RALGAPA2: variants seen among roughly 807,000 people sequenced by gnomAD.
The protein encoded by RALGAPA2 is Ral GTPase activating protein catalytic subunit alpha 2.
A neutral mutation model predicts 230.4 loss-of-function variants in RALGAPA2; 139 were observed. That is an observed-to-expected ratio of 0.60 (90% CI 0.53 to 0.69). The LOEUF (loss-of-function observed/expected upper bound fraction) is 0.69. Among genes scored for constraint, RALGAPA2 ranks in the 30% least tolerant of loss-of-function variants. The probability of loss-of-function intolerance (pLI) is 0.00; values close to 1 mark genes in which losing one functional copy is unlikely to be tolerated. For synonymous variants in RALGAPA2, 847 were observed against 837.8 expected (o/e 1.01, Z -0.19); for missense variants, 2,163 against 2,276.0 (o/e 0.95, Z 1.01).
At chr20:20,521,366 T>G (rs1406625692) in intron 30 of RALGAPA2, among the ~76,000 whole-genome samples, 1 of 151,840 alleles carries the variant, frequency 6.6e-6, no homozygotes, top group Admixed American at 6.6e-5. Context: ...CATACCTAAG[T>G]CCCCCTCCTG....
chr20:20,478,471 G>A (rs528024433), intron 36 of RALGAPA2, among the ~76,000 whole-genome samples: 45 of 151,318 alleles, frequency 3.0e-4, no homozygotes, highest in Non-Finnish European at 4.4e-5. Flanking sequence ...AACCAAGATC[G>A]ACAGTTAGTT....
At chr20:20,647,558 CAT>C (rs968013359) in intron 4 of RALGAPA2, among the ~76,000 whole-genome samples, 7 of 152,310 alleles carry the variant, frequency 4.6e-5, no homozygotes, top group Admixed American at 6.5e-5. Flanking sequence ...GTTAGGCAAA[CAT>C]GTGTTACACA....
intron 1 of RALGAPA2, among the ~76,000 whole-genome samples, chr20:20,707,730 T>G (rs2147034708): frequency 6.6e-6 from 1 of 152,232 alleles, no homozygotes; most frequent in Middle Eastern, 3.4e-3. Flanking sequence ...GAGTCTGGCT[T>G]CTGATCCCCC....
intron 25 of RALGAPA2, 63 bp from the exon 26 acceptor site, chr20:20,535,866 G>T: frequency 1.3e-6 from 2 of 1,506,950 alleles, no homozygotes; most frequent in South Asian, 2.6e-5. Context: ...CACATGTTCT[G>T]ACCATGTTCC....
At position 20,513,028 on chromosome 20, in the gene RALGAPA2, C is replaced by T. The variant is rs764118084; in HGVS notation, c.4341G>A (p.Pro1447=). The change falls in exon 32 of 40, where the codon CCG becomes CCA. Residue 1447 remains proline, a synonymous_variant. Coordinates refer to ENST00000202677, the MANE Select transcript of RALGAPA2 (RefSeq NM_020343.4). ...ISYLQTPTEG[P]VGGSPVGSLS... is the part of the protein sequence containing the mutation. ...GAGAGCCCACTGGTGATCCCCCTAC[C>T]GGTCCTTCTGTGGGTGTCTGAAGGT... The T allele has an allele frequency of 4.8e-5, 77 of 1,613,296 alleles. No homozygotes were observed. Among genetic ancestry groups the T allele is most frequent in the Middle Eastern group, 1.6e-4 (1 of 6,082 alleles).
chr20:20,493,939 C>T lies in RALGAPA2; in HGVS notation c.5367+1178G>A, dbSNP rs560557121. Among the ~76,000 whole-genome samples, 4 of 152,248 alleles carry T rather than the reference C, an allele frequency of 2.6e-5. No individual in the cohort carries two copies. In the South Asian group the frequency reaches 8.3e-4, roughly 32 times the overall value. ...CCTTTATGTCAGGCTTTGCAACAGCCAGAATGGGACTTTTATGAATTCAGG... is the reference window on the plus strand; with the variant it reads ...CCTTTATGTCAGGCTTTGCAACAGCTAGAATGGGACTTTTATGAATTCAGG... On this transcript the variant is annotated intron_variant, in intron 36 of 39. Coordinates refer to ENST00000202677, the MANE Select transcript of RALGAPA2 (RefSeq NM_020343.4).
intron 33 of RALGAPA2, 94 bp downstream of exon 33, chr20:20,511,160 C>T (rs557696064): frequency 2.4e-5 from 37 of 1,511,786 alleles, no homozygotes; most frequent in Non-Finnish European, 3.3e-5. Flanking sequence ...CCTTGGATGT[C>T]TCAGTAAGTC....
intron 37 of RALGAPA2, among the ~76,000 whole-genome samples, chr20:20,439,915 T>C (rs1391160335): frequency 6.6e-6 from 1 of 152,220 alleles, no homozygotes; most frequent in Non-Finnish European, 1.5e-5. Flanking sequence ...ATCAATGTGT[T>C]AAGAGAAAGC....
chr20:20,513,219 T>A lies in RALGAPA2; in HGVS notation c.4150A>T (p.Asn1384Tyr). The A allele has an allele frequency of 6.6e-7, 1 of 1,515,024 alleles. No homozygotes were observed. Among genetic ancestry groups the A allele is most frequent in the Non-Finnish European group, 8.8e-7 (1 of 1,134,004 alleles). 93.8% of individuals were successfully genotyped at this position (1,515,024 alleles called of 1,614,324 possible). A position where few individuals can be genotyped will look rare whatever the true frequency, so the allele number is the denominator to read the frequency against. Residue 1384 changes from asparagine to tyrosine, a missense_variant, in exon 32 of 40, where the codon AAC becomes TAC. Asn to Tyr is a moderately radical substitution (Grantham distance 143). Transcript: ENST00000202677. ...TARMVMAHLV[N>Y]HLGHYPLSGG... ...CTGAGGGGGTAGTGCCCCAGGTGGT[T>A]CACCAGGTGGGCCATCACCATTCGA...
intron 18 of RALGAPA2, among the ~76,000 whole-genome samples, chr20:20,588,590 C>A (rs1248310495): frequency 6.6e-6 from 1 of 151,976 alleles, no homozygotes; most frequent in Non-Finnish European, 1.5e-5. Flanking sequence ...TATTTCATTG[C>A]TGAAAACAGA....
intron 16 of RALGAPA2, among the ~76,000 whole-genome samples, chr20:20,600,971 G>A (rs1046437767): frequency 3.2e-4 from 48 of 152,014 alleles, no homozygotes; most frequent in African/African-American, 1.0e-3. Context: ...GTCGTGGCAC[G>A]CGCCTGTAAT....
chr20:20,472,836 G>C lies in RALGAPA2; in HGVS notation c.5488C>G (p.Gln1830Glu), dbSNP rs1459894488. 1 of 1,612,438 alleles carries C rather than the reference G, an allele frequency of 6.2e-7. No individual in the cohort carries two copies. Among genetic ancestry groups the C allele is most frequent in the African/African-American group, 1.3e-5 (1 of 74,792 alleles). ...RAVKCLIPLY[Q>E]SFYEERALYL... ...TTTAAAGCAAAAAGATACAAGCTCT[G>C]GTAGAGTGGGATGAGGCACTTCACA... The change falls in exon 37 of 40, where the codon CAG (glutamine) becomes GAG (glutamate). Residue 1830 changes from glutamine (Q) to glutamate (E), a missense_variant. Gln to Glu is a conservative substitution (Grantham distance 29). Coordinates refer to ENST00000202677, the MANE Select transcript of RALGAPA2 (RefSeq NM_020343.4).
At chr20:20,599,901 A>C (rs2065581194) in intron 16 of RALGAPA2, among the ~76,000 whole-genome samples, 1 of 151,698 alleles carries the variant, frequency 6.6e-6, no homozygotes, top group South Asian at 2.1e-4. Flanking sequence ...TGAACCTGGG[A>C]GGTAGAGGTT....
intron 10 of RALGAPA2, among the ~76,000 whole-genome samples, chr20:20,624,113 G>A (rs2066410654): frequency 1.3e-5 from 2 of 152,236 alleles, no homozygotes; most frequent in East Asian, 1.9e-4. Context: ...GATCACCTGA[G>A]GTCAGGAGTT....
chr20:20,568,552 C>G (rs960370059), intron 23 of RALGAPA2, among the ~76,000 whole-genome samples: 2 of 152,180 alleles, frequency 1.3e-5, no homozygotes, highest in Admixed American at 6.5e-5. Flanking sequence ...CATGAGACAT[C>G]TACTTTACAA....
At chr20:20,645,952 T>TA (rs1296297063) in intron 4 of RALGAPA2, among the ~76,000 whole-genome samples, 6 of 145,378 alleles carry the variant, frequency 4.1e-5, no homozygotes, top group African/African-American at 1.0e-4. Context: ...TCTTTTTTAA[T>TA]AATAAAAAAA....
At chr20:20,512,270 A>AC (rs1569454695) in intron 32 of RALGAPA2, among the ~76,000 whole-genome samples, 20 of 139,192 alleles carry the variant, frequency 1.4e-4, no homozygotes, top group Admixed American at 8.5e-4. Context: ...CACACACACA[A>AC]ATGTTTGATA....
intron 15 of RALGAPA2, 139 bp from the exon 16 acceptor site, chr20:20,601,985 T>C: frequency 1.4e-6 from 1 of 703,478 alleles, no homozygotes; most frequent in South Asian, 3.6e-5. Context: ...ACCACTTCCT[T>C]ACACTGCAAT....
chr20:20,571,165 A>G (rs895778896), intron 23 of RALGAPA2, among the ~76,000 whole-genome samples: 1 of 152,188 alleles, frequency 6.6e-6, no homozygotes, highest in Non-Finnish European at 1.5e-5. Context: ...AAGTGGTTAT[A>G]ATAGTATTTT....
Sources: gnomAD v4.1 joint callset for allele counts (sites outside exome capture counted in the v4.1 genomes callset) on GRCh38, gnomAD v4.1.1 for gene constraint, MANE v1.5 for transcripts, NCBI Gene and HGNC (gene_info 2026-07-23, HGNC 2026-07-21) for gene names.